The following COX10 variants were observed in gnomAD, a reference collection of about 807,000 sequenced individuals.
COX10 encodes protoheme IX farnesyltransferase, mitochondrial.
Under a neutral mutation model 37.3 loss-of-function variants are expected in COX10, and 27 were observed. The observed-to-expected ratio is 0.72, with a 90% CI of 0.53 to 1.00. The LOEUF is 1.00. Among genes scored for constraint, COX10 ranks in the 50% least tolerant of loss-of-function variants. The pLI is 0.00. For missense variants in COX10, 475 were observed against 563.2 expected (o/e 0.84, Z 1.59); for synonymous variants, 222 against 229.1 (o/e 0.97, Z 0.28).
At chr17:14,108,193 G>A (rs1915938532) in intron 4 of COX10, among the ~76,000 whole-genome samples, 1 of 152,140 alleles carries the variant, frequency 6.6e-6, no homozygotes, top group African/African-American at 2.4e-5. Context: ...ATATGTATGA[G>A]GGAGGGGAGA....
chr17:14,108,185 A>G (rs1460170487), intron 4 of COX10, among the ~76,000 whole-genome samples: 1 of 152,162 alleles, frequency 6.6e-6, no homozygotes, highest in Non-Finnish European at 1.5e-5. Flanking sequence ...TTGAAGGAAT[A>G]TGTATGAGGG....
intron 4 of COX10, among the ~76,000 whole-genome samples, chr17:14,113,161 T>C (rs1413197104): frequency 6.6e-6 from 1 of 152,194 alleles, no homozygotes; most frequent in Admixed American, 6.6e-5. Flanking sequence ...CATTAAAATG[T>C]CAACAGACAT....
At chr17:14,151,246 C>T (rs1904883621) in intron 4 of COX10, among the ~76,000 whole-genome samples, 1 of 152,092 alleles carries the variant, frequency 6.6e-6, no homozygotes, top group African/African-American at 2.4e-5. Flanking sequence ...AGAACAGAAT[C>T]AAGTAGCAGC....
chr17:14,202,092 C>CT (rs369469313), intron 6 of COX10, among the ~76,000 whole-genome samples: 334 of 145,724 alleles, frequency 2.3e-3, no homozygotes, highest in East Asian at 9.8e-3. Flanking sequence ...AGATCTCTCT[C>CT]TTTTTTTTTT....
chr17:14,130,749 CT>C (rs1390462679), intron 4 of COX10, among the ~76,000 whole-genome samples: 6 of 152,086 alleles, frequency 3.9e-5, no homozygotes, highest in Admixed American at 1.3e-4. Flanking sequence ...TCGTCTTCAT[CT>C]TTGTGGTTTG....
At chr17:14,145,351 G>A (rs929298380) in intron 4 of COX10, among the ~76,000 whole-genome samples, 2 of 152,222 alleles carry the variant, frequency 1.3e-5, no homozygotes, top group Admixed American at 1.3e-4. Context: ...TCTTTTTCCA[G>A]CATAGCTCCA....
intron 5 of COX10, among the ~76,000 whole-genome samples, chr17:14,168,917 A>G (rs370374703): frequency 6.6e-5 from 10 of 152,362 alleles, no homozygotes; most frequent in Middle Eastern, 3.4e-3. Context: ...TATGCTCTTC[A>G]TTACTTAACG....
intron 4 of COX10, among the ~76,000 whole-genome samples, chr17:14,158,112 T>TAGTTA (rs1905082358): frequency 2.0e-5 from 3 of 152,090 alleles, no homozygotes; most frequent in Admixed American, 2.0e-4. Context: ...CAGGGAATCC[T>TAGTTA]CACTGTGGGT....
chr17:14,175,141 T>C (rs1905634780), intron 5 of COX10, among the ~76,000 whole-genome samples: 1 of 126,140 alleles, frequency 7.9e-6, no homozygotes, highest in African/African-American at 2.8e-5. Flanking sequence ...AGAAACTTTT[T>C]GAAAAGATAA....
At chr17:14,197,776 G>A (rs1007515339) in intron 6 of COX10, among the ~76,000 whole-genome samples, 1 of 152,248 alleles carries the variant, frequency 6.6e-6, no homozygotes, top group African/African-American at 2.4e-5. Flanking sequence ...CAAAGCATGG[G>A]CCCAGCCCAG....
At chr17:14,177,343 G>A (rs1905724618) in intron 5 of COX10, 1 of 640,438 alleles carries the variant, frequency 1.6e-6, no homozygotes, top group Admixed American at 2.6e-5. Context: ...AACTCCATGT[G>A]TCTGAGGTAT....
At chr17:14,118,953 C>A (rs1209634552) in intron 4 of COX10, among the ~76,000 whole-genome samples, 1 of 151,386 alleles carries the variant, frequency 6.6e-6, no homozygotes, top group Non-Finnish European at 1.5e-5. Flanking sequence ...AAGACAAATG[C>A]TTTTCAAAAC....
intron 5 of COX10, among the ~76,000 whole-genome samples, chr17:14,175,083 C>CGGCG (rs1210479535): frequency 3.1e-4 from 5 of 16,362 alleles, no homozygotes; most frequent in African/African-American, 4.7e-4. Context: ...TGGGAAATAG[C>CGGCG]GGGGGGGGGG....
chr17:14,185,251 C>CAAA (rs1905991662), intron 5 of COX10, among the ~76,000 whole-genome samples: 1 of 147,542 alleles, frequency 6.8e-6, no homozygotes, highest in South Asian at 2.2e-4. Context: ...GGGATGCTTT[C>CAAA]AAAAATCCAT....
chr17:14,152,869 A>G (rs1473641341), intron 4 of COX10, among the ~76,000 whole-genome samples: 1 of 152,194 alleles, frequency 6.6e-6, no homozygotes, highest in Non-Finnish European at 1.5e-5. Context: ...CTGCAACCCA[A>G]GGATATCTGG....
intron 5 of COX10, among the ~76,000 whole-genome samples, chr17:14,169,859 G>A (rs8075831): frequency 0.38 from 58,359 of 152,024 alleles, 11,345 homozygotes; most frequent in African/African-American, 0.44. Context: ...GTAGGGTCTA[G>A]TGGGAGGTGT....
intron 1 of COX10, 86 bp downstream of exon 1, chr17:14,069,734 C>G: frequency 6.4e-7 from 1 of 1,556,060 alleles, no homozygotes. Context: ...TGGCTGCAAC[C>G]TTGGGGAGCC....
At chr17:14,146,937 C>T (rs1037470629) in intron 4 of COX10, among the ~76,000 whole-genome samples, 7 of 152,130 alleles carry the variant, frequency 4.6e-5, no homozygotes, top group African/African-American at 7.2e-5. Flanking sequence ...ATCAAAACTA[C>T]AATGAGATAT....
At chr17:14,083,189 C>T (rs928010675) in intron 3 of COX10, among the ~76,000 whole-genome samples, 12 of 152,194 alleles carry the variant, frequency 7.9e-5, no homozygotes, top group South Asian at 4.1e-4. Flanking sequence ...ATATATTCCA[C>T]GCCCCAGGTT....
Sources: allele counts gnomAD v4.1 joint callset (sites outside exome capture counted in the v4.1 genomes callset), GRCh38; gene constraint gnomAD v4.1.1; transcripts MANE v1.5; gene names NCBI Gene and HGNC (gene_info 2026-07-23, HGNC 2026-07-21).